The following DLGAP1 variants were observed in gnomAD, a reference collection of about 807,000 sequenced individuals.
DLGAP1 encodes the protein disks large-associated protein 1.
DLGAP1 carries 11 observed loss-of-function variants against 90.8 expected under a neutral mutation model. The observed-to-expected ratio is 0.12, with a 90% confidence interval of 0.08 to 0.20. DLGAP1 has a LOEUF of 0.20. Among genes scored for constraint, DLGAP1 ranks in the 10% least tolerant of loss-of-function variants. The pLI is 1.00. For missense variants in DLGAP1, 1,050 were observed against 1,333.8 expected, an observed-to-expected ratio of 0.79 and a Z score of 3.31; for synonymous variants, 558 against 540.7, an observed-to-expected ratio of 1.03 and a Z score of -0.44.
chr18:3,680,086 T>C (rs1001289097), intron 7 of DLGAP1: 1 of 152,186 alleles, frequency 6.6e-6, no homozygotes, highest in Admixed American at 6.5e-5. Context: ...ACCAGGGGTC[T>C]TGGTCGAGGT....
chr18:3,613,590 CCTCT>C (rs1175641461), intron 7 of DLGAP1, among the ~76,000 whole-genome samples: 1 of 152,194 alleles, frequency 6.6e-6, no homozygotes, highest in Non-Finnish European at 1.5e-5. Context: ...CCTCCCACTT[CCTCT>C]CTAAGTGTTG....
chr18:4,165,170 G>A (rs1167161848), intron 1 of DLGAP1, among the ~76,000 whole-genome samples: 1 of 152,118 alleles, frequency 6.6e-6, no homozygotes, highest in Non-Finnish European at 1.5e-5. Flanking sequence ...CCCAAAAAGT[G>A]TAGACTAATT....
intron 7 of DLGAP1, among the ~76,000 whole-genome samples, chr18:3,659,392 T>TACACACAC: frequency 1.4e-5 from 1 of 70,266 alleles, no homozygotes; most frequent in Non-Finnish European, 2.5e-5. Flanking sequence ...CACATACATT[T>TACACACAC]ATACACACAC....
At chr18:3,762,290 A>G (rs1490815938) in intron 5 of DLGAP1, among the ~76,000 whole-genome samples, 3 of 152,240 alleles carry the variant, frequency 2.0e-5, no homozygotes, top group Non-Finnish European at 4.4e-5. Flanking sequence ...CAGTTTATGA[A>G]CCAGTAAGAA....
intron 1 of DLGAP1, among the ~76,000 whole-genome samples, chr18:4,453,097 C>T (rs553037495): frequency 5.7e-4 from 86 of 152,134 alleles, no homozygotes; most frequent in Middle Eastern, 3.4e-3. Flanking sequence ...TAAAAATTCA[C>T]AGAATTTTAT....
intron 2 of DLGAP1, among the ~76,000 whole-genome samples, chr18:4,022,576 G>A (rs1251486384): frequency 6.6e-6 from 1 of 152,080 alleles, no homozygotes; most frequent in Non-Finnish European, 1.5e-5. Flanking sequence ...CTAAGTGATT[G>A]CTTTTTACAT....
At chr18:3,948,061 C>G (rs746221215) in intron 3 of DLGAP1, among the ~76,000 whole-genome samples, 1 of 152,122 alleles carries the variant, frequency 6.6e-6, no homozygotes, top group Non-Finnish European at 1.5e-5. Flanking sequence ...GCTCAGGAAG[C>G]AAAGTACACT....
chr18:4,018,343 C>T lies in DLGAP1; in HGVS notation c.-158-13142G>A, dbSNP rs151097070. Among the ~76,000 whole-genome samples, 522 of 152,304 alleles carry T rather than the reference C, an allele frequency of 3.4e-3. 3 individuals are homozygous for T. Among genetic ancestry groups the T allele is most frequent in the African/African-American group, 6.2e-3 (258 of 41,568 alleles). On this transcript the variant is annotated intron_variant, in intron 2 of 12. Transcript: ENST00000315677. ...AGTGGGGATGAGTCTTTGTATCCCC[C>T]GCAGTGGCCAGACATTGGATGTGGG...
intron 9 of DLGAP1, among the ~76,000 whole-genome samples, chr18:3,548,788 G>A (rs1232672577): frequency 6.6e-6 from 1 of 152,212 alleles, no homozygotes; most frequent in South Asian, 2.1e-4. Context: ...TGTAATTCCA[G>A]CACTTTTGGA....
At chr18:4,122,746 C>T (rs1455037620) in intron 2 of DLGAP1, among the ~76,000 whole-genome samples, 1 of 152,112 alleles carries the variant, frequency 6.6e-6, no homozygotes, top group Admixed American at 6.5e-5. Context: ...ATGGAGACAT[C>T]CTAAGGTTGT....
At chr18:3,741,272 ACATCAC>A (rs1323130795) in intron 6 of DLGAP1, among the ~76,000 whole-genome samples, 1 of 89,266 alleles carries the variant, frequency 1.1e-5, no homozygotes, top group Non-Finnish European at 2.1e-5. Context: ...CACCACCACC[ACATCAC>A]CATCACCACC....
At chr18:3,741,094 C>CCACCACCATCACCATCACCAT (rs2062941608) in intron 6 of DLGAP1, among the ~76,000 whole-genome samples, 1 of 115,302 alleles carries the variant, frequency 8.7e-6, no homozygotes, top group Non-Finnish European at 1.9e-5. Context: ...ACCATCACCA[C>CCACCACCATCACCATCACCAT]CACCACCATC....
chr18:3,670,186 TGTAA>T (rs754520291), intron 7 of DLGAP1, among the ~76,000 whole-genome samples: 1 of 152,158 alleles, frequency 6.6e-6, no homozygotes, highest in Non-Finnish European at 1.5e-5. Context: ...TCTTTTGAAG[TGTAA>T]GTGTGTGCAA....
chr18:3,601,143 G>A (rs1199520800), intron 7 of DLGAP1, among the ~76,000 whole-genome samples: 1 of 151,706 alleles, frequency 6.6e-6, no homozygotes, highest in African/African-American at 2.4e-5. Flanking sequence ...CTAGAGTGCA[G>A]TGATGTGATC....
chr18:3,582,535 G>A (rs1035668736), intron 7 of DLGAP1, among the ~76,000 whole-genome samples: 1 of 152,128 alleles, frequency 6.6e-6, no homozygotes, highest in African/African-American at 2.4e-5. Context: ...AACTAGATAC[G>A]ATTAGCCCTC....
At chr18:4,301,595 C>T (rs9963400) in intron 1 of DLGAP1, among the ~76,000 whole-genome samples, 32,725 of 152,174 alleles carry the variant, frequency 0.22, 3,606 homozygotes, top group African/African-American at 0.25. Context: ...AACAATGCTG[C>T]AGTGAACACG....
At chr18:3,722,147 G>A (rs962357372) in intron 7 of DLGAP1, 1 of 152,166 alleles carries the variant, frequency 6.6e-6, no homozygotes, top group African/African-American at 2.4e-5. Flanking sequence ...CCCCTTCACT[G>A]TTTGCCATGC....
At chr18:3,797,134 C>G in intron 5 of DLGAP1, among the ~76,000 whole-genome samples, 1 of 152,112 alleles carries the variant, frequency 6.6e-6, no homozygotes, top group Non-Finnish European at 1.5e-5. Flanking sequence ...GAGATCGAGA[C>G]CATCCTGGCT....
chr18:4,331,004 T>C (rs961068023), intron 1 of DLGAP1, among the ~76,000 whole-genome samples: 1 of 151,892 alleles, frequency 6.6e-6, no homozygotes, highest in South Asian at 2.1e-4. Context: ...TTGCTTCTTA[T>C]GATGTGAGGC....
Sources: allele counts gnomAD v4.1 joint callset (sites outside exome capture counted in the v4.1 genomes callset), GRCh38; gene constraint gnomAD v4.1.1; transcripts MANE v1.5; gene names NCBI Gene and HGNC (gene_info 2026-07-23, HGNC 2026-07-21).